Variants in MACROD2 observed in about 807,000 individuals in gnomAD.
MACROD2 encodes the protein ADP-ribose glycohydrolase MACROD2.
MACROD2 carries 36 observed loss-of-function variants against 70.4 expected under a neutral mutation model. The ratio of observed to expected loss-of-function variants is 0.51; its 90% CI spans 0.39 to 0.68. MACROD2 has a LOEUF of 0.68. Among genes scored for constraint, MACROD2 ranks in the 30% least tolerant of loss-of-function variants. The probability of loss-of-function intolerance (pLI) is 0.00; values close to 1 mark genes in which losing one functional copy is unlikely to be tolerated. For synonymous variants in MACROD2, 172 were observed against 178.8 expected (o/e 0.96, Z 0.30); for missense variants, 496 against 538.4 (o/e 0.92, Z 0.78).
intron 7 of MACROD2, among the ~76,000 whole-genome samples, chr20:15,458,639 T>A (rs563138618): frequency 0.015 from 1,792 of 116,986 alleles, 31 homozygotes; most frequent in African/African-American, 0.05. Flanking sequence ...TTTTTTTTTT[T>A]AAAAAAAAAA....
At chr20:15,146,279 T>C (rs1356519746) in intron 5 of MACROD2, among the ~76,000 whole-genome samples, 2 of 152,162 alleles carry the variant, frequency 1.3e-5, no homozygotes, top group Non-Finnish European at 2.9e-5. Context: ...TCTAGAAATC[T>C]TGGTAATTAC....
chr20:14,184,376 A>G (rs1162574537), intron 3 of MACROD2, among the ~76,000 whole-genome samples: 2 of 151,972 alleles, frequency 1.3e-5, no homozygotes, highest in Non-Finnish European at 2.9e-5. Flanking sequence ...ATTCTGTTGC[A>G]TTGGTCAATG....
intron 4 of MACROD2, among the ~76,000 whole-genome samples, chr20:14,559,712 A>G (rs868823048): frequency 6.6e-6 from 1 of 151,798 alleles, no homozygotes; most frequent in Non-Finnish European, 1.5e-5. Context: ...TACATAAATC[A>G]TTTTAGGGCT....
At chr20:14,080,507 C>A (rs2053977500) in intron 2 of MACROD2, among the ~76,000 whole-genome samples, 2 of 136,916 alleles carry the variant, frequency 1.5e-5, no homozygotes, top group South Asian at 4.7e-4. Context: ...GTAAAACAAA[C>A]TCAAAAAGGC....
intron 3 of MACROD2, among the ~76,000 whole-genome samples, chr20:14,157,081 A>G (rs1378070660): frequency 1.3e-5 from 2 of 152,170 alleles, no homozygotes; most frequent in Non-Finnish European, 2.9e-5. Flanking sequence ...AAATTAGGTG[A>G]TTGACTTTTA....
intron 3 of MACROD2, among the ~76,000 whole-genome samples, chr20:14,169,495 G>GA (rs1221792661): frequency 6.6e-6 from 1 of 151,520 alleles, no homozygotes; most frequent in South Asian, 2.1e-4. Flanking sequence ...GTAGAGATGG[G>GA]GTTTCTCCAT....
intron 3 of MACROD2, among the ~76,000 whole-genome samples, chr20:14,203,149 T>C (rs956653726): frequency 5.9e-5 from 9 of 152,184 alleles, no homozygotes; most frequent in Admixed American, 5.2e-4. Context: ...GTTCAGAAAT[T>C]TCTTCTGCTT....
chr20:15,969,274 T>C (rs1289713364), intron 13 of MACROD2, among the ~76,000 whole-genome samples: 1 of 151,968 alleles, frequency 6.6e-6, no homozygotes, highest in African/African-American at 2.4e-5. Flanking sequence ...AAATCATTTA[T>C]ATAAATAATT....
At chr20:14,181,345 G>C (rs1274615039) in intron 3 of MACROD2, among the ~76,000 whole-genome samples, 2 of 151,926 alleles carry the variant, frequency 1.3e-5, no homozygotes, top group Non-Finnish European at 2.9e-5. Flanking sequence ...TGTAATTATA[G>C]GTGTGAGCCA....
intron 8 of MACROD2, among the ~76,000 whole-genome samples, chr20:15,644,692 A>AT (rs1032780324): frequency 6.6e-6 from 1 of 152,044 alleles, no homozygotes; most frequent in African/African-American, 2.4e-5. Context: ...AGGTTAAGTA[A>AT]TTTTTTATTT....
chr20:14,838,563 G>A (rs935866376), intron 5 of MACROD2, among the ~76,000 whole-genome samples: 6 of 152,026 alleles, frequency 3.9e-5, no homozygotes, highest in African/African-American at 1.4e-4. Context: ...AATATTGTTT[G>A]CTGTGTTAAT....
At chr20:15,408,471 T>C (rs2046033664) in intron 6 of MACROD2, among the ~76,000 whole-genome samples, 1 of 152,240 alleles carries the variant, frequency 6.6e-6, no homozygotes, top group African/African-American at 2.4e-5. Flanking sequence ...AAAGTCTTTT[T>C]TATCTACGGT....
intron 3 of MACROD2, among the ~76,000 whole-genome samples, chr20:14,315,572 A>G (rs1460165225): frequency 6.6e-6 from 1 of 152,192 alleles, no homozygotes; most frequent in Non-Finnish European, 1.5e-5. Context: ...CATAAGCAAA[A>G]TATTAAATAT....
At chr20:15,540,614 A>C (rs1008315325) in intron 8 of MACROD2, among the ~76,000 whole-genome samples, 1 of 152,218 alleles carries the variant, frequency 6.6e-6, no homozygotes, top group African/African-American at 2.4e-5. Flanking sequence ...TTGGTTTGCT[A>C]AGGCTTCTGT....
intron 3 of MACROD2, among the ~76,000 whole-genome samples, chr20:14,375,433 A>G (rs1217488816): frequency 6.6e-6 from 1 of 152,188 alleles, no homozygotes; most frequent in East Asian, 1.9e-4. Flanking sequence ...TTTGTTTCCC[A>G]TGTGTATTTT....
intron 3 of MACROD2, among the ~76,000 whole-genome samples, chr20:14,257,283 T>TA (rs11420122): frequency 0.38 from 57,294 of 151,908 alleles, 12,422 homozygotes; most frequent in African/African-American, 0.57. Flanking sequence ...ATAATAATAT[T>TA]AGATATCATC....
At chr20:14,322,337 A>G (rs1185086248) in intron 3 of MACROD2, among the ~76,000 whole-genome samples, 1 of 149,872 alleles carries the variant, frequency 6.7e-6, no homozygotes, top group African/African-American at 2.4e-5. Context: ...CAAAAGGTGT[A>G]TTTTAGAACA....
chr20:16,016,269 T>G (rs2066927065), intron 15 of MACROD2, among the ~76,000 whole-genome samples: 1 of 152,224 alleles, frequency 6.6e-6, no homozygotes, highest in African/African-American at 2.4e-5. Flanking sequence ...TGGAAGTTAT[T>G]GACAATAACT....
In MACROD2 at chr20:14,623,787, A is replaced by G. The variant is rs189135405; in HGVS notation, c.302-61056A>G. Reference sequence around the variant, plus strand: ...CTCTCTGATAGCAAAGAAAATGGTGATGAGCATAAGTCTGGCCCCTACAAA... The same window carrying G: ...CTCTCTGATAGCAAAGAAAATGGTGGTGAGCATAAGTCTGGCCCCTACAAA... On this transcript the variant is annotated intron_variant, in intron 4 of 17. Coordinates refer to ENST00000684519, the MANE Select transcript of MACROD2 (RefSeq NM_001351661.2). 1.8e-3 allele frequency among the ~76,000 whole-genome samples: 267 copies of G among 152,314 alleles called. 1 individual carries two copies. The Middle Eastern group carries it at 0.034, about 19-fold the overall frequency.
Sources: allele counts gnomAD v4.1 joint callset (sites outside exome capture counted in the v4.1 genomes callset), GRCh38; gene constraint gnomAD v4.1.1; transcripts MANE v1.5; gene names NCBI Gene and HGNC (gene_info 2026-07-23, HGNC 2026-07-21).